IFNL3: variants seen among roughly 807,000 people sequenced by gnomAD.
IFNL3 encodes interferon lambda-3.
IFNL3 carries 16 observed loss-of-function variants against 16.3 expected under a neutral mutation model. The ratio of observed to expected loss-of-function variants is 0.98; its 90% confidence interval spans 0.67 to 1.50. The LOEUF is 1.50. Ranked by LOEUF, IFNL3 falls within the 40% of genes most tolerant of loss-of-function variation. IFNL3 has a pLI of 0.00. For synonymous variants in IFNL3, 115 were observed against 115.3 expected (o/e 1.00, Z 0.02); for missense variants, 254 against 253.5 (o/e 1.00, Z -0.01).
In IFNL3 at chr19:39,244,944, C is replaced by A; in HGVS notation, c.24G>T (p.Val8=). MTGDCMP[V]LVLMAAVLTV... ...TCAGCACTGCGGCCATCAGCACCAG[C>A]ACTGGCATGCAGTCCCCGGTCATGT... Residue 8 remains valine (V), a synonymous_variant, in exon 1 of 5, where the codon GTG becomes GTT. Coordinates refer to ENST00000413851, the MANE Select transcript of IFNL3 (RefSeq NM_172139.4). 3.1e-6 allele frequency: 5 copies of A among 1,614,014 alleles called. No individual in the cohort carries two copies. In the African/African-American group the frequency reaches 6.7e-5, roughly 22 times the overall value.
intron 2 of IFNL3, 91 bp downstream of exon 2, chr19:39,244,326 G>A (rs964242454): frequency 2.7e-6 from 4 of 1,500,364 alleles, no homozygotes; most frequent in African/African-American, 1.4e-5. Context: ...GAGGAGAGAG[G>A]GACAATGGAG....
Position 39,243,606 on chromosome 19 carries a change from C to A in IFNL3, c.*26G>T, listed in dbSNP as rs1318091744. 1 of 1,556,566 alleles carries A rather than the reference C, an allele frequency of 6.4e-7. No homozygotes were observed. The highest frequency in any genetic ancestry group is 1.2e-5 in the South Asian group (1 of 84,674). ...CAAGTGGCTAATTTATAAATAAAAT[C>A]TCAGGTTGCATGACTGGCGGAAGGG... On this transcript the variant is annotated 3_prime_UTR_variant, in exon 5 of 5. Coordinates refer to ENST00000413851, the MANE Select transcript of IFNL3 (RefSeq NM_172139.4).
chr19:39,243,610 G>A lies in IFNL3; in HGVS notation c.*22C>T. On this transcript the variant is annotated 3_prime_UTR_variant, in exon 5 of 5. Transcript: ENST00000413851. ...TGGCTAATTTATAAATAAAATCTCA[G>A]GTTGCATGACTGGCGGAAGGGTCAG... 4 of 1,561,186 alleles carry A rather than the reference G, an allele frequency of 2.6e-6. No homozygotes were observed. The highest frequency in any genetic ancestry group is 3.5e-6 in the Non-Finnish European group (4 of 1,151,856).
intron 2 of IFNL3, 24 bp downstream of exon 2, chr19:39,244,393 G>C: frequency 1.2e-6 from 2 of 1,608,072 alleles, no homozygotes; most frequent in Non-Finnish European, 1.7e-6. Context: ...GGAGGGCAGG[G>C]GTGGGCCTGA....
downstream of IFNL3, chr19:39,243,546 T>A: frequency 7.1e-7 from 1 of 1,415,476 alleles, no homozygotes; most frequent in Admixed American, 2.1e-5. Flanking sequence ...CATACACAAA[T>A]ACATAAATAG....
Position 39,244,011 on chromosome 19 carries a change from G to C in IFNL3, c.405C>G (p.Ala135=), listed in dbSNP as rs1241647918. The change falls in exon 3 of 5, where the codon GCC becomes GCG. Residue 135 remains alanine, a synonymous_variant. Coordinates refer to ENST00000413851, the MANE Select transcript of IFNL3 (RefSeq NM_172139.4). ...TLHHILSQLR[A]CIQPQPTAGP... ...TGCCCGGGCCCTGACGACTCACACA[G>C]GCCCGGAGCTGGGAGAGGATATGGT... The C allele has an allele frequency of 6.2e-7, 1 of 1,613,890 alleles. No individual in the cohort carries two copies. The highest frequency in any genetic ancestry group is 8.5e-7 in the Non-Finnish European group (1 of 1,179,816).
upstream of IFNL3, chr19:39,245,083 A>G (rs2074939291): frequency 1.2e-6 from 2 of 1,606,482 alleles, no homozygotes; most frequent in Non-Finnish European, 1.7e-6. Flanking sequence ...TTCATTCCTG[A>G]TCTCTGGTCT....
In IFNL3 at chr19:39,244,909, C is replaced by T. The variant is rs148017150; in HGVS notation, c.59G>A (p.Gly20Glu). ...VLMAAVLTVT[G>E]AVPVARLRGA... Reference sequence around the variant, plus strand: ...GCGGAGCCTGGCGACAGGAACTGCTCCAGTCACGGTCAGCACTGCGGCCAT... The same window carrying T: ...GCGGAGCCTGGCGACAGGAACTGCTTCAGTCACGGTCAGCACTGCGGCCAT... Residue 20 changes from glycine to glutamate, a missense_variant, in exon 1 of 5, where the codon GGA (glycine) becomes GAA (glutamate). Coordinates refer to ENST00000413851, the MANE Select transcript of IFNL3 (RefSeq NM_172139.4). The T allele has an allele frequency of 6.2e-7, 1 of 1,613,772 alleles. No individual in the cohort carries two copies. The highest frequency in any genetic ancestry group is 8.5e-7 in the Non-Finnish European group (1 of 1,179,866).
chr19:39,243,813 G>A lies in IFNL3; in HGVS notation c.492+11C>T, dbSNP rs200551112. On this transcript the variant is annotated intron_variant, in intron 4 of 4. Coordinates refer to ENST00000413851, the MANE Select transcript of IFNL3 (RefSeq NM_172139.4). The stretch of plus-strand genomic sequence containing the variant: ...CCCAGACCTCAGTCCCTCTCTTCCC[G>A]GGTCACTCACCTTTTTTGGGGCCTC... The A allele has an allele frequency of 1.4e-4, 227 of 1,613,624 alleles. No individual in the cohort carries two copies. The highest frequency in any genetic ancestry group is 1.5e-4 in the Non-Finnish European group (180 of 1,179,828).
downstream of IFNL3, chr19:39,243,522 G>A: frequency 3.3e-6 from 4 of 1,219,468 alleles, no homozygotes; most frequent in South Asian, 4.3e-5. Context: ...TTTCCTGGAG[G>A]TGAGTTGGAT....
intron 1 of IFNL3, 87 bp downstream of exon 1, chr19:39,244,701 T>C (rs2074935687): frequency 2.0e-6 from 3 of 1,512,708 alleles, no homozygotes; most frequent in African/African-American, 2.8e-5. Flanking sequence ...GCTAGCCCAG[T>C]GAAGGAAGCT....
intron 1 of IFNL3, 44 bp from the exon 2 acceptor site, chr19:39,244,538 G>T: frequency 6.4e-7 from 1 of 1,571,306 alleles, no homozygotes; most frequent in South Asian, 1.1e-5. Context: ...GAGGGGTGGA[G>T]GTTAGACCAC....
rs779256274 is a variant in IFNL3 at position 39,243,891 on chromosome 19, G to T, written c.425C>A (p.Thr142Lys). ...GCGGCCCCGGGTCCTGGGCCCTGCC[G>T]TGGGCTGAGGCTGGATCTGTGGGCA... ...QLRACIQPQP[T>K]AGPRTRGRLH... The change falls in exon 4 of 5, where the codon ACG (threonine) becomes AAG (lysine). Residue 142 changes from threonine (T) to lysine (K), a missense_variant. By Grantham distance (78) the Thr-to-Lys change is moderately conservative (BLOSUM62 -1). Coordinates refer to ENST00000413851, the MANE Select transcript of IFNL3 (RefSeq NM_172139.4). The T allele has an allele frequency of 1.2e-6, 2 of 1,613,568 alleles. No individual in the cohort carries two copies. The highest frequency in any genetic ancestry group is 1.7e-5 in the Admixed American group (1 of 59,882).
chr19:39,244,218 A>T, intron 2 of IFNL3, 61 bp from the exon 3 acceptor site: 1 of 1,596,844 alleles, frequency 6.3e-7, no homozygotes, highest in Non-Finnish European at 8.5e-7. Context: ...TTGGGGGAGG[A>T]GGATAGAGAG....
At position 39,243,630 on chromosome 19, in the gene IFNL3, G is replaced by A. The variant is rs773988947; in HGVS notation, c.*2C>T. On this transcript the variant is annotated 3_prime_UTR_variant, in exon 5 of 5. Coordinates refer to ENST00000413851, the MANE Select transcript of IFNL3 (RefSeq NM_172139.4). ...TCTCAGGTTGCATGACTGGCGGAAGGGTCAGACACACAGGTCCCCGCTGGC... is the reference window on the plus strand; with the variant it reads ...TCTCAGGTTGCATGACTGGCGGAAGAGTCAGACACACAGGTCCCCGCTGGC... The A allele has an allele frequency of 2.5e-6, 4 of 1,587,520 alleles. No homozygotes were observed. Among genetic ancestry groups the A allele is most frequent in the Admixed American group, 1.8e-5 (1 of 55,088 alleles).
chr19:39,244,148 G>T lies in IFNL3; in HGVS notation c.268C>A (p.Arg90Ser), dbSNP rs151331735. 24 of 1,614,020 alleles carry T rather than the reference G, an allele frequency of 1.5e-5. No homozygotes were observed. In the African/African-American group the frequency reaches 2.8e-4, roughly 19 times the overall value. The change falls in exon 3 of 5, where the codon CGC becomes AGC. Residue 90 changes from arginine (R) to serine (S), a missense_variant. Transcript: ENST00000413851. ...WDLRQLQVRE[R>S]PVALEAELAL... The stretch of plus-strand genomic sequence containing the variant: ...AGCTCAGCCTCCAAAGCCACGGGGC[G>T]CTCCCTCACCTGAGGAGAGGTGAGA...
downstream of IFNL3, chr19:39,243,494 A>G (rs1600452044): frequency 4.7e-6 from 5 of 1,062,398 alleles, no homozygotes; most frequent in East Asian, 1.0e-4. Context: ...GGATTTCAAA[A>G]AGTAGAAAAA....
Position 39,244,409 on chromosome 19 carries a change from C to T in IFNL3, c.258+8G>A, listed in dbSNP as rs201697624. The T allele has an allele frequency of 5.6e-6, 9 of 1,610,480 alleles. No homozygotes were observed. The highest frequency in any genetic ancestry group is 1.3e-5 in the African/African-American group (1 of 74,852). ...GAGGGCAGGGGTGGGCCTGACTCCC[C>T]CTCTCACCTGCAGCTGCCTCAGGTC... is the stretch of plus-strand genomic sequence containing the variant. On this transcript the variant is annotated splice_region_variant and intron_variant, in intron 2 of 4. Coordinates refer to ENST00000413851, the MANE Select transcript of IFNL3 (RefSeq NM_172139.4).
In IFNL3 at chr19:39,244,448, A is replaced by T; in HGVS notation, c.227T>A (p.Phe76Tyr). Reference protein sequence around the residue: ...LKDCKCRSRLFPRTWDLRQLQ... With the variant: ...LKDCKCRSRLYPRTWDLRQLQ... ...CTGCCTCAGGTCCCAGGTCCTGGGG[A>T]AGAGGCGGGAGCGGCACTTGCAGTC... is the stretch of plus-strand genomic sequence containing the variant. Residue 76 changes from phenylalanine to tyrosine, a missense_variant, in exon 2 of 5, where the codon TTC (phenylalanine) becomes TAC (tyrosine). By Grantham distance (22) the Phe-to-Tyr change is conservative. Transcript: ENST00000413851. 6.2e-7 allele frequency: 1 copy of T among 1,611,336 alleles called. No homozygotes were observed. The highest frequency in any genetic ancestry group is 2.2e-5 in the East Asian group (1 of 44,854).
Sources: gnomAD v4.1 joint callset for allele counts on GRCh38, gnomAD v4.1.1 for gene constraint, MANE v1.5 for transcripts, NCBI Gene and HGNC (gene_info 2026-07-23, HGNC 2026-07-21) for gene names.